PPP3R1: variants seen among roughly 807,000 people sequenced by gnomAD.
PPP3R1 encodes calcineurin subunit B type 1.
Under a neutral mutation model 22.6 loss-of-function variants are expected in PPP3R1, and 5 were observed. The observed-to-expected ratio is 0.22, with a 90% CI of 0.12 to 0.46. PPP3R1 has a LOEUF of 0.46. Among genes scored for constraint, PPP3R1 ranks in the 20% least tolerant of loss-of-function variants. PPP3R1 has a pLI of 0.99. For synonymous variants in PPP3R1, 56 were observed against 65.2 expected (o/e 0.86, Z 0.68); for missense variants, 61 against 203.2 (o/e 0.30, Z 4.25).
At chr2:68,226,319 G>A (rs1669780091) in intron 1 of PPP3R1, among the ~76,000 whole-genome samples, 1 of 152,052 alleles carries the variant, frequency 6.6e-6, no homozygotes, top group Non-Finnish European at 1.5e-5. Flanking sequence ...TTTACCATAG[G>A]TAAGTTGTAC....
At chr2:68,223,710 T>C (rs1558638682) in intron 1 of PPP3R1, among the ~76,000 whole-genome samples, 4 of 151,810 alleles carry the variant, frequency 2.6e-5, no homozygotes, top group African/African-American at 7.3e-5. Context: ...TATAAAAGGT[T>C]ATCTACAAAA....
intron 5 of PPP3R1, among the ~76,000 whole-genome samples, chr2:68,183,617 C>CT (rs1257719787): frequency 1.3e-5 from 2 of 152,138 alleles, no homozygotes; most frequent in African/African-American, 2.4e-5. Flanking sequence ...TTCCCAAGAG[C>CT]TTTTTTATAT....
Position 68,206,149 on chromosome 2 carries a change from A to G in PPP3R1, c.43+10943T>C, listed in dbSNP as rs1380809220. Among the ~76,000 whole-genome samples the G allele has an allele frequency of 4.6e-5, 7 of 152,332 alleles. No individual in the cohort carries two copies. In the East Asian group the frequency reaches 1.4e-3, roughly 29 times the overall value. The stretch of plus-strand genomic sequence containing the variant: ...AAAAGGTTCAAATACGTGAAAGAAC[A>G]GAGAGAAACTTCCAGGTACATGCAG... On this transcript the variant is annotated intron_variant, in intron 2 of 5. Transcript: ENST00000234310.
At chr2:68,224,903 G>C (rs1669754659) in intron 1 of PPP3R1, among the ~76,000 whole-genome samples, 1 of 152,012 alleles carries the variant, frequency 6.6e-6, no homozygotes, top group Non-Finnish European at 1.5e-5. Context: ...CACAACAAAA[G>C]ATATGATTAA....
chr2:68,235,164 G>A (rs920489671), intron 1 of PPP3R1, among the ~76,000 whole-genome samples: 1 of 152,288 alleles, frequency 6.6e-6, no homozygotes, highest in Admixed American at 6.5e-5. Flanking sequence ...GCAAGCTTTG[G>A]CTTGCTGGTC....
chr2:68,227,270 T>A (rs566923907), intron 1 of PPP3R1, among the ~76,000 whole-genome samples: 100 of 152,218 alleles, frequency 6.6e-4, no homozygotes, highest in African/African-American at 2.3e-3. Flanking sequence ...GAATATTTTT[T>A]AAAAATGTTG....
At chr2:68,218,193 GTACAAT>G (rs1319987550) in intron 1 of PPP3R1, among the ~76,000 whole-genome samples, 1 of 151,824 alleles carries the variant, frequency 6.6e-6, no homozygotes, top group Non-Finnish European at 1.5e-5. Context: ...TAATTTAAGT[GTACAAT>G]TAACATGGGC....
At chr2:68,224,215 T>C (rs1669740908) in intron 1 of PPP3R1, among the ~76,000 whole-genome samples, 1 of 152,174 alleles carries the variant, frequency 6.6e-6, no homozygotes, top group African/African-American at 2.4e-5. Flanking sequence ...GATCTGCATA[T>C]AGAAGACAAT....
Position 68,252,140 on chromosome 2 carries a change from G to C in PPP3R1, c.-13C>G. ...AAGGTCTCACCATTTTGCTCGGCGGGTCGGCGGCTCGCTGGCTCGCTGGCT... is the reference window on the plus strand; with the variant it reads ...AAGGTCTCACCATTTTGCTCGGCGGCTCGGCGGCTCGCTGGCTCGCTGGCT... On this transcript the variant is annotated 5_prime_UTR_variant, in exon 1 of 6. Coordinates refer to ENST00000234310, the MANE Select transcript of PPP3R1 (RefSeq NM_000945.4). 4 of 1,435,730 alleles carry C rather than the reference G, an allele frequency of 2.8e-6. No individual in the cohort carries two copies. The highest frequency in any genetic ancestry group is 3.7e-6 in the Non-Finnish European group (4 of 1,074,524). The allele number at this position is 1,435,730 out of a possible 1,614,324, so 88.9% of individuals were successfully genotyped here.
At chr2:68,220,969 T>C (rs548093195) in intron 1 of PPP3R1, among the ~76,000 whole-genome samples, 13 of 152,140 alleles carry the variant, frequency 8.5e-5, no homozygotes, top group South Asian at 6.2e-4. Context: ...TCGAATGACA[T>C]AGAGGTGGTG....
chr2:68,232,226 T>C (rs1292395423), intron 1 of PPP3R1, among the ~76,000 whole-genome samples: 1 of 32,038 alleles, frequency 3.1e-5, no homozygotes, highest in Non-Finnish European at 5.1e-5. Flanking sequence ...TGTATATATG[T>C]GTGTGTGTGT....
At chr2:68,215,314 T>C (rs1203285497) in intron 2 of PPP3R1, among the ~76,000 whole-genome samples, 1 of 152,072 alleles carries the variant, frequency 6.6e-6, no homozygotes, top group African/African-American at 2.4e-5. Flanking sequence ...GGTACACCTA[T>C]ATTCCAAAAC....
At chr2:68,246,991 T>C (rs1472200515) in intron 1 of PPP3R1, among the ~76,000 whole-genome samples, 2 of 151,154 alleles carry the variant, frequency 1.3e-5, no homozygotes, top group South Asian at 2.1e-4. Flanking sequence ...AGTCTTGCTC[T>C]GTCACCCAGG....
chr2:68,197,302 GTCTATCT>G (rs1035966214), intron 2 of PPP3R1, among the ~76,000 whole-genome samples: 1 of 152,002 alleles, frequency 6.6e-6, no homozygotes, highest in African/African-American at 2.4e-5. Flanking sequence ...AGGTACTCGC[GTCTATCT>G]TCTTTTACTC....
At chr2:68,200,241 T>C (rs1674947042) in intron 2 of PPP3R1, among the ~76,000 whole-genome samples, 1 of 151,716 alleles carries the variant, frequency 6.6e-6, no homozygotes, top group Non-Finnish European at 1.5e-5. Context: ...TGTAAGGATC[T>C]GCAATGATTT....
At chr2:68,185,837 CT>C (rs1674534865) in intron 5 of PPP3R1, among the ~76,000 whole-genome samples, 1 of 152,216 alleles carries the variant, frequency 6.6e-6, no homozygotes, top group African/African-American at 2.4e-5. Context: ...TGCCACCCCA[CT>C]TTTTGAAAAC....
At chr2:68,244,072 C>G (rs1439501569) in intron 1 of PPP3R1, among the ~76,000 whole-genome samples, 3 of 151,974 alleles carry the variant, frequency 2.0e-5, no homozygotes, top group African/African-American at 4.8e-5. Flanking sequence ...GTCTTTAGAA[C>G]TTTAGGGAAA....
In PPP3R1 at chr2:68,182,086, C is replaced by A. The variant is rs868623857; in HGVS notation, c.466-1076G>T. ...CCCTCCTCCAACCCCCCCCTCCCCC[C>A]ACCACACACACACGACCAGTAGCTA... On this transcript the variant is annotated intron_variant, in intron 5 of 5. Transcript: ENST00000234310. Among the ~76,000 whole-genome samples the A allele has an allele frequency of 1.4e-4, 17 of 117,940 alleles. 1 individual carries two copies. In the South Asian group the frequency reaches 1.7e-3, roughly 12 times the overall value. The allele number at this position is 117,940 out of a possible 152,430, so 77.4% of individuals were successfully genotyped here.
chr2:68,251,753 G>T (rs1295045019), intron 1 of PPP3R1, among the ~76,000 whole-genome samples: 2 of 151,924 alleles, frequency 1.3e-5, no homozygotes, highest in African/African-American at 4.8e-5. Context: ...GGAGGGGAGG[G>T]GGGTGCTCCA....
Sources: allele counts gnomAD v4.1 joint callset (sites outside exome capture counted in the v4.1 genomes callset), GRCh38; gene constraint gnomAD v4.1.1; transcripts MANE v1.5; gene names NCBI Gene and HGNC (gene_info 2026-07-23, HGNC 2026-07-21).